The following BLTP1 variants were observed in gnomAD, a reference collection of about 807,000 sequenced individuals.
BLTP1 encodes the protein bridge-like lipid transfer protein family member 1.
At chr4:122,283,466 A>G in the BLTP1 span, among the ~76,000 whole-genome samples, 13 of 152,036 alleles carry the variant, frequency 8.6e-5, no homozygotes, top group Admixed American at 8.5e-4. Flanking sequence ...TTTCTTTTTC[A>G]GGAATTGTCC....
the BLTP1 span, among the ~76,000 whole-genome samples, chr4:122,258,387 C>T: frequency 6.6e-6 from 1 of 152,128 alleles, no homozygotes; most frequent in African/African-American, 2.4e-5. Flanking sequence ...AGTTTGAAAA[C>T]CAGTACACTG....
chr4:122,288,460 C>T, the BLTP1 span, among the ~76,000 whole-genome samples: 4 of 152,118 alleles, frequency 2.6e-5, no homozygotes, highest in Non-Finnish European at 4.4e-5. Flanking sequence ...GTGGGCGGAT[C>T]GCTTGAGGCC....
the BLTP1 span, chr4:122,258,904 A>C: frequency 9.5e-7 from 1 of 1,048,780 alleles, no homozygotes; most frequent in South Asian, 1.8e-5. Context: ...CTAAAATTTT[A>C]TCTCAAATTT....
the BLTP1 span, among the ~76,000 whole-genome samples, chr4:122,188,459 G>T: frequency 1.3e-5 from 2 of 152,058 alleles, no homozygotes; most frequent in Non-Finnish European, 2.9e-5. Context: ...CAGATTCATT[G>T]CAGTGGAATA....
chr4:122,253,001 T>C, the BLTP1 span, among the ~76,000 whole-genome samples: 1 of 152,202 alleles, frequency 6.6e-6, no homozygotes, highest in African/African-American at 2.4e-5. Flanking sequence ...AATAAGAGCC[T>C]CTGTCTGGTA....
chr4:122,227,378 GT>G, the BLTP1 span: 1 of 985,072 alleles, frequency 1.0e-6, no homozygotes, highest in African/African-American at 1.7e-5. Flanking sequence ...CTAAAACCAT[GT>G]GCAGTGGCAA....
At chr4:122,360,687 A>C in the BLTP1 span, among the ~76,000 whole-genome samples, 3 of 152,226 alleles carry the variant, frequency 2.0e-5, no homozygotes, top group Admixed American at 6.5e-5. Context: ...ATTTGTTGTA[A>C]CTAAATAAGC....
chr4:122,220,487 A>G, the BLTP1 span: 1 of 1,588,618 alleles, frequency 6.3e-7, no homozygotes, highest in African/African-American at 1.4e-5. Context: ...TGAAAATGAA[A>G]TATGGTGGAG....
the BLTP1 span, chr4:122,281,162 T>A: frequency 4.3e-6 from 1 of 235,064 alleles, no homozygotes; most frequent in Non-Finnish European, 7.0e-6. Context: ...TTGTTGGGGT[T>A]GGTGTTGTCA....
chr4:122,356,160 A>C, the BLTP1 span, among the ~76,000 whole-genome samples: 1 of 152,302 alleles, frequency 6.6e-6, no homozygotes, highest in African/African-American at 2.4e-5. Context: ...TTATTTAACC[A>C]ACTTATACCT....
the BLTP1 span, chr4:122,200,374 T>A: frequency 1.4e-6 from 1 of 700,562 alleles, no homozygotes; most frequent in Admixed American, 6.3e-5. Context: ...GGTCAGGAGT[T>A]CGAGACCAGC....
chr4:122,224,423 G>A, the BLTP1 span: 16 of 1,459,716 alleles, frequency 1.1e-5, no homozygotes, highest in Non-Finnish European at 1.4e-5. Context: ...TCTGCAGGGG[G>A]TGTGGGGGGA....
the BLTP1 span, chr4:122,209,345 C>T: frequency 6.8e-6 from 11 of 1,609,036 alleles, no homozygotes; most frequent in East Asian, 6.7e-5. Context: ...AAAGTGAGTA[C>T]GTAAAATTAG....
chr4:122,277,691 A>T, the BLTP1 span: 1 of 982,678 alleles, frequency 1.0e-6, no homozygotes, highest in Non-Finnish European at 1.2e-6. Flanking sequence ...CTCACTGAAA[A>T]TGAAAAGCAG....
the BLTP1 span, chr4:122,243,873 G>A: frequency 6.3e-7 from 1 of 1,592,632 alleles, no homozygotes; most frequent in East Asian, 2.3e-5. Flanking sequence ...TACTCCATTG[G>A]AAAAAAAACT....
At chr4:122,251,804 T>G in the BLTP1 span, among the ~76,000 whole-genome samples, 1 of 152,222 alleles carries the variant, frequency 6.6e-6, no homozygotes, top group African/African-American at 2.4e-5. Flanking sequence ...GGTTCTGTTC[T>G]TGGCTCTTCC....
the BLTP1 span, chr4:122,334,297 C>T: frequency 3.6e-6 from 5 of 1,394,364 alleles, no homozygotes; most frequent in East Asian, 2.5e-5. Flanking sequence ...CTTGATTTTC[C>T]TCATCTTCAT....
At chr4:122,226,810 T>C in the BLTP1 span, 1 of 1,611,250 alleles carries the variant, frequency 6.2e-7, no homozygotes. Context: ...CAGCATGGAA[T>C]TGATCGTCGG....
the BLTP1 span, among the ~76,000 whole-genome samples, chr4:122,355,206 G>A: frequency 1.3e-5 from 2 of 152,090 alleles, no homozygotes; most frequent in Admixed American, 6.6e-5. Context: ...ATGAACTGCT[G>A]TCTGAAGAAA....
Sources: allele counts gnomAD v4.1 joint callset (sites outside exome capture counted in the v4.1 genomes callset), GRCh38; gene constraint gnomAD v4.1.1; transcripts MANE v1.5; gene names NCBI Gene and HGNC (gene_info 2026-07-23, HGNC 2026-07-21).